Variants in NBAS observed in about 807,000 individuals in gnomAD.
NBAS encodes the protein NBAS subunit of NRZ tethering complex, also known as NAG/BC035112 fusion.
In NBAS, 219 loss-of-function variants were observed where a neutral mutation model predicts 302.5. That is an observed-to-expected ratio of 0.72 (90% CI 0.65 to 0.81). The LOEUF is 0.81. NBAS is among the 30% of genes least tolerant of loss of function. NBAS has a pLI of 0.00. For missense variants in NBAS, 2,932 were observed against 2,841.6 expected, an observed-to-expected ratio of 1.03 and a Z score of -0.72; for synonymous variants, 1,118 against 1,021.6, an observed-to-expected ratio of 1.09 and a Z score of -1.80.
chr2:14,975,410 AT>A, the NBAS span, among the ~76,000 whole-genome samples: 1 of 152,230 alleles, frequency 6.6e-6, no homozygotes, highest in Non-Finnish European at 1.5e-5. Context: ...TCAACGAATT[AT>A]TCCTTCCTGC....
the NBAS span, among the ~76,000 whole-genome samples, chr2:14,894,037 A>G: frequency 6.6e-6 from 1 of 152,324 alleles, no homozygotes; most frequent in African/African-American, 2.4e-5. Flanking sequence ...TTCAAAATTG[A>G]TTTCTTCTTT....
At chr2:15,447,616 G>A (rs149100958) in intron 21 of NBAS, among the ~76,000 whole-genome samples, 12 of 152,162 alleles carry the variant, frequency 7.9e-5, no homozygotes, top group South Asian at 2.1e-4. Context: ...TCATTTTCCC[G>A]TATCCATAAT....
the NBAS span, among the ~76,000 whole-genome samples, chr2:14,938,770 G>C: frequency 1.3e-5 from 2 of 152,126 alleles, no homozygotes; most frequent in Non-Finnish European, 1.5e-5. Context: ...AGAAATTAAG[G>C]GTTATTGTGT....
intron 38 of NBAS, among the ~76,000 whole-genome samples, chr2:15,316,288 C>T (rs1671506160): frequency 6.6e-6 from 1 of 152,222 alleles, no homozygotes; most frequent in South Asian, 2.1e-4. Context: ...CTCCGCTCTG[C>T]AGCTCGCAGC....
At chr2:15,550,946 C>T (rs1475840621) in intron 6 of NBAS, among the ~76,000 whole-genome samples, 1 of 152,118 alleles carries the variant, frequency 6.6e-6, no homozygotes, top group Non-Finnish European at 1.5e-5. Flanking sequence ...TCTCATCTGA[C>T]ACCCCCGATT....
chr2:15,511,117 T>A lies in NBAS; in HGVS notation c.885+95A>T, dbSNP rs1662119074. 8 of 1,434,808 alleles carry A rather than the reference T, an allele frequency of 5.6e-6. No individual in the cohort carries two copies. The East Asian group carries it at 1.6e-4, about 29-fold the overall frequency. 88.9% of individuals were successfully genotyped at this position (1,434,808 alleles called of 1,614,324 possible). ...TGTCCTCATTCAAGATGAAATTATT[T>A]CTTCCTCTATATCTTACAAAGGACT... On this transcript the variant is annotated intron_variant, in intron 10 of 51. Transcript: ENST00000281513.
chr2:15,224,665 C>T lies in NBAS; in HGVS notation c.6237-5697G>A, dbSNP rs528442231. Among the ~76,000 whole-genome samples the T allele has an allele frequency of 9.2e-5, 14 of 152,304 alleles. No individual in the cohort carries two copies. The East Asian group carries it at 2.1e-3, about 23-fold the overall frequency. ...AAAAAACAGGCTGGGGCCAAGGCAG[C>T]AGGGGCCTCCTTTAGACAAGGCCTA... On this transcript the variant is annotated intron_variant, in intron 47 of 51. Transcript: ENST00000281513.
intron 32 of NBAS, among the ~76,000 whole-genome samples, chr2:15,360,266 T>C (rs1673835599): frequency 2.0e-5 from 3 of 148,938 alleles, no homozygotes; most frequent in Non-Finnish European, 4.4e-5. Flanking sequence ...TGAGGCTACA[T>C]GAAATTTAGT....
chr2:15,099,118 C>T, the NBAS span, among the ~76,000 whole-genome samples: 1 of 152,102 alleles, frequency 6.6e-6, no homozygotes, highest in South Asian at 2.1e-4. Flanking sequence ...GCCTGGCCAA[C>T]ATGGTGAAAC....
At chr2:14,962,343 G>C in the NBAS span, among the ~76,000 whole-genome samples, 1 of 152,130 alleles carries the variant, frequency 6.6e-6, no homozygotes, top group Non-Finnish European at 1.5e-5. Flanking sequence ...ACTGTAATTG[G>C]TTCAATTGCT....
At chr2:14,954,697 A>C in the NBAS span, among the ~76,000 whole-genome samples, 1 of 152,158 alleles carries the variant, frequency 6.6e-6, no homozygotes, top group Non-Finnish European at 1.5e-5. Context: ...CAGGAGAGAG[A>C]AGGTGTGTCA....
rs1023350613 is a variant in NBAS at position 15,474,309 on chromosome 2, C to T, written c.1357G>A (p.Ala453Thr). 2 of 1,612,894 alleles carry T rather than the reference C, an allele frequency of 1.2e-6. No individual in the cohort carries two copies. The highest frequency in any genetic ancestry group is 1.7e-4 in the Middle Eastern group (1 of 6,060). The part of the protein sequence containing the change: ...FLSLECEIKL[A>T]PKRSRLETRA... ...GTCTCCAAACGAGATCGTTTGGGGG[C>T]AAGTTTAATCTCACACTAAATTGAA... Residue 453 changes from alanine (A) to threonine (T), a missense_variant, in exon 15 of 52, where the codon GCC (alanine) becomes ACC (threonine). Transcript: ENST00000281513.
chr2:14,876,201 A>G, the NBAS span, among the ~76,000 whole-genome samples: 903 of 152,332 alleles, frequency 5.9e-3, 6 homozygotes, highest in African/African-American at 0.019. Context: ...GGTCTTTGCC[A>G]TAACAATAGC....
chr2:14,823,626 C>T, the NBAS span, among the ~76,000 whole-genome samples: 3 of 152,272 alleles, frequency 2.0e-5, no homozygotes, highest in South Asian at 4.1e-4. Context: ...CGAAATGATT[C>T]GTTCATTCTT....
intron 19 of NBAS, 92 bp from the exon 20 acceptor site, chr2:15,461,883 C>T (rs1679521786): frequency 2.7e-6 from 2 of 736,322 alleles, no homozygotes; most frequent in African/African-American, 1.8e-5. Context: ...ACTCTGCCTG[C>T]CTAAATAAAT....
chr2:15,406,029 C>T (rs1676390261), intron 25 of NBAS, among the ~76,000 whole-genome samples: 1 of 148,344 alleles, frequency 6.7e-6, no homozygotes, highest in African/African-American at 2.5e-5. Context: ...CAATAAAATA[C>T]CAATAAGCAA....
chr2:15,489,048 C>G (rs371893622), intron 11 of NBAS, 26 bp from the exon 12 acceptor site: 7 of 1,611,036 alleles, frequency 4.3e-6, no homozygotes, highest in Non-Finnish European at 5.9e-6. Context: ...AAGGTCAGGG[C>G]AAAGGACTTA....
chr2:15,319,049 T>C (rs918600820), intron 38 of NBAS, among the ~76,000 whole-genome samples: 1 of 152,158 alleles, frequency 6.6e-6, no homozygotes, highest in Non-Finnish European at 1.5e-5. Context: ...ACAAACTTTC[T>C]CTCAGACCAC....
chr2:14,852,388 C>T, the NBAS span, among the ~76,000 whole-genome samples: 1 of 72,862 alleles, frequency 1.4e-5, no homozygotes, highest in Non-Finnish European at 2.5e-5. Flanking sequence ...TGTGAAGGAC[C>T]TCTTCAAGGA....
Sources: gnomAD v4.1 joint callset for allele counts (sites outside exome capture counted in the v4.1 genomes callset) on GRCh38, gnomAD v4.1.1 for gene constraint, MANE v1.5 for transcripts, NCBI Gene and HGNC (gene_info 2026-07-23, HGNC 2026-07-21) for gene names.